Variants in SLC16A2 observed in about 807,000 individuals in gnomAD.
SLC16A2 encodes solute carrier family 16 member 2.
In SLC16A2, 3 loss-of-function variants were observed where a neutral mutation model predicts 27.2. The observed-to-expected ratio is 0.11, with a 90% confidence interval of 0.05 to 0.28. SLC16A2 has a LOEUF of 0.28. Ranked by LOEUF, SLC16A2 falls within the 10% of genes least tolerant of loss-of-function variation. SLC16A2 has a pLI of 1.00. For missense variants in SLC16A2, 295 were observed against 458.5 expected (o/e 0.64, Z 3.26); for synonymous variants, 202 against 187.8 (o/e 1.08, Z -0.62).
At chrX:74,492,497 C>A (rs1344363525) in intron 1 of SLC16A2, among the ~76,000 whole-genome samples, 1 of 110,589 alleles carries the variant, frequency 9.0e-6, no homozygotes, top group Admixed American at 9.6e-5. Flanking sequence ...CCCTAAAATT[C>A]ATTGATCCTC....
chrX:74,494,322 C>A (rs1929893389), intron 1 of SLC16A2, among the ~76,000 whole-genome samples: 1 of 111,607 alleles, frequency 9.0e-6, no homozygotes. Flanking sequence ...GGCGTAGTGA[C>A]CCCTCCTGTA....
At chrX:74,426,855 T>A (rs889689290) in intron 1 of SLC16A2, among the ~76,000 whole-genome samples, 2 of 112,516 alleles carry the variant, frequency 1.8e-5, no homozygotes, top group African/African-American at 6.5e-5. Flanking sequence ...AAAAGCCCTA[T>A]ATACATCATT....
intron 1 of SLC16A2, among the ~76,000 whole-genome samples, chrX:74,480,119 A>C (rs1039471711): frequency 8.9e-6 from 1 of 112,229 alleles, no homozygotes; most frequent in African/African-American, 3.2e-5. Flanking sequence ...CTTGAGCTGC[A>C]GTGGGCTCCA....
intron 1 of SLC16A2, among the ~76,000 whole-genome samples, chrX:74,464,195 G>A (rs1168116955): frequency 9.8e-5 from 11 of 111,856 alleles, no homozygotes; most frequent in African/African-American, 3.3e-4. Flanking sequence ...ATGGGCAGTT[G>A]GGTTGTTTAC....
rs183504350 is a variant in SLC16A2, at chrX:74,529,311, C to T, written c.1269C>T (p.Cys423=). 10 of 1,208,911 alleles carry T rather than the reference C, an allele frequency of 8.3e-6. No homozygotes were observed. The highest frequency in any genetic ancestry group is 1.1e-5 in the Non-Finnish European group (10 of 894,100). ...LIVVCLFLGL[C]DGFFITIMAP... ...TCGTCTGTCTTTTCCTGGGCCTTTG[C>T]GATGGCTTCTTCATCACCATCATGG... is the stretch of plus-strand genomic sequence containing the variant. The change falls in exon 5 of 6, where the codon TGC becomes TGT. Residue 423 remains cysteine (C), a synonymous_variant. Coordinates refer to ENST00000587091, the MANE Select transcript of SLC16A2 (RefSeq NM_006517.5).
rs1930463032 is a variant in SLC16A2 at position 74,524,724 on chromosome X, G to A, written c.941G>A (p.Arg314Gln). 2.5e-6 allele frequency: 3 copies of A among 1,211,675 alleles called. No individual in the cohort carries two copies. The highest frequency in any genetic ancestry group is 1.7e-5 in the African/African-American group (1 of 57,764). ...LAQLRKYFNM[R>Q]VFRQRTYRIW... ...CAGCTCAGGAAGTACTTCAACATGC[G>A]AGTGTTCCGCCAACGCACTTACCGC... Residue 314 changes from arginine to glutamine, a missense_variant, in exon 3 of 6, where the codon CGA (arginine) becomes CAA (glutamine). This residue lies in a region of SLC16A2 where 144 missense variants were observed against 219.8 expected (regional missense o/e 0.66). Transcript: ENST00000587091.
intron 1 of SLC16A2, among the ~76,000 whole-genome samples, chrX:74,518,844 G>A (rs1930359032): frequency 1.8e-5 from 2 of 111,617 alleles, no homozygotes; most frequent in African/African-American, 6.5e-5. Context: ...TTGTATGGTG[G>A]ATACCGGTCT....
chrX:74,482,623 C>T (rs1264010904), intron 1 of SLC16A2, among the ~76,000 whole-genome samples: 1 of 111,630 alleles, frequency 9.0e-6, no homozygotes, highest in Non-Finnish European at 1.9e-5. Context: ...TTGTATTTTT[C>T]AACACTAGAC....
intron 1 of SLC16A2, among the ~76,000 whole-genome samples, chrX:74,459,810 C>G (rs186356661): frequency 4.5e-5 from 5 of 111,708 alleles, no homozygotes; most frequent in African/African-American, 1.6e-4. Flanking sequence ...TAAGGAATGT[C>G]TGGAGCACAT....
At chrX:74,469,878 C>A (rs1929322895) in intron 1 of SLC16A2, among the ~76,000 whole-genome samples, 1 of 111,667 alleles carries the variant, frequency 9.0e-6, no homozygotes, top group African/African-American at 3.3e-5. Context: ...TCTTGGTGTA[C>A]ATTCTATAAG....
intron 1 of SLC16A2, among the ~76,000 whole-genome samples, chrX:74,464,044 C>T (rs1929205067): frequency 8.9e-6 from 1 of 112,163 alleles, no homozygotes; most frequent in Non-Finnish European, 1.9e-5. Context: ...AGTATTTACT[C>T]TTTTTGTCTA....
At chrX:74,504,510 C>A (rs1356173279) in intron 1 of SLC16A2, among the ~76,000 whole-genome samples, 1 of 112,070 alleles carries the variant, frequency 8.9e-6, no homozygotes, top group Non-Finnish European at 1.9e-5. Flanking sequence ...TCTTCATTAG[C>A]AGCCTGGAGA....
intron 1 of SLC16A2, among the ~76,000 whole-genome samples, chrX:74,466,917 A>G (rs768625522): frequency 8.9e-6 from 1 of 112,760 alleles, no homozygotes; most frequent in Non-Finnish European, 1.9e-5. Context: ...AGGTTCTGAT[A>G]TTTTTGGTCT....
At chrX:74,486,484 C>T (rs898175041) in intron 1 of SLC16A2, among the ~76,000 whole-genome samples, 1 of 112,097 alleles carries the variant, frequency 8.9e-6, no homozygotes, top group East Asian at 2.8e-4. Context: ...ATTTCATGTG[C>T]TCATCATCAC....
chrX:74,450,990 G>C (rs898708991), intron 1 of SLC16A2, among the ~76,000 whole-genome samples: 1 of 112,184 alleles, frequency 8.9e-6, no homozygotes, highest in African/African-American at 3.2e-5. Context: ...AGAAAAGGTA[G>C]AGTCTCTCTT....
intron 1 of SLC16A2, among the ~76,000 whole-genome samples, chrX:74,424,378 A>G (rs950833409): frequency 2.7e-5 from 3 of 111,231 alleles, no homozygotes; most frequent in Non-Finnish European, 5.7e-5. Context: ...ACCCTATCAC[A>G]TGGAGCTCCT....
intron 1 of SLC16A2, among the ~76,000 whole-genome samples, chrX:74,516,409 A>G (rs772921707): frequency 1.8e-5 from 2 of 111,911 alleles, no homozygotes; most frequent in Admixed American, 9.5e-5. Flanking sequence ...AATAATGCCT[A>G]ATGTGGTTAT....
chrX:74,466,098 G>T (rs1929245526), intron 1 of SLC16A2, among the ~76,000 whole-genome samples: 1 of 111,514 alleles, frequency 9.0e-6, no homozygotes, highest in African/African-American at 3.3e-5. Flanking sequence ...CAGGCCCACA[G>T]GGTTTCAGGA....
chrX:74,457,931 C>T (rs1929065773), intron 1 of SLC16A2, among the ~76,000 whole-genome samples: 1 of 111,922 alleles, frequency 8.9e-6, no homozygotes, highest in Non-Finnish European at 1.9e-5. Context: ...AATTTATAAA[C>T]TTGACTTGCC....
Sources: allele counts gnomAD v4.1 joint callset (sites outside exome capture counted in the v4.1 genomes callset), GRCh38; gene constraint gnomAD v4.1.1; regional missense constraint gnomAD v4.1.1; transcripts MANE v1.5; gene names NCBI Gene and HGNC (gene_info 2026-07-23, HGNC 2026-07-21).